The following SLC28A2 variants were observed in gnomAD, a reference collection of about 807,000 sequenced individuals.
SLC28A2 encodes sodium/nucleoside cotransporter 2.
Under a neutral mutation model 72.9 loss-of-function variants are expected in SLC28A2, and 69 were observed. The ratio of observed to expected loss-of-function variants is 0.95; its 90% CI spans 0.78 to 1.16. The LOEUF is 1.16. Ranked by LOEUF, SLC28A2 falls within the 50% of genes most tolerant of loss-of-function variation. SLC28A2 has a pLI of 0.00. For synonymous variants in SLC28A2, 296 were observed against 294.1 expected, an observed-to-expected ratio of 1.01 and a Z score of -0.07; for missense variants, 745 against 791.1, an observed-to-expected ratio of 0.94 and a Z score of 0.70.
Position 45,263,992 on chromosome 15 carries a change from C to G in SLC28A2, c.558C>G (p.Ile186Met). 6.2e-7 allele frequency: 1 copy of G among 1,613,230 alleles called. No homozygotes were observed. The part of the protein sequence containing the change: ...PFAGICMFIL[I>M]LFACSKHHSA... ...CAGGAATCTGCATGTTCATCCTTAT[C>G]CTCTTTGCCTGCTCCAAACACCACA... is the stretch of plus-strand genomic sequence containing the variant. Residue 186 changes from isoleucine to methionine, a missense_variant, in exon 6 of 18, where the codon ATC becomes ATG. Ile to Met is a conservative substitution (Grantham distance 10). Transcript: ENST00000347644.
intron 8 of SLC28A2, 71 bp from the exon 9 acceptor site, chr15:45,265,512 C>A: frequency 1.9e-6 from 2 of 1,076,328 alleles, no homozygotes; most frequent in Non-Finnish European, 2.9e-6. Flanking sequence ...ATGCTAAGAG[C>A]TTAACTTAGA....
At chr15:45,263,561 G>A (rs1900229994) in intron 5 of SLC28A2, among the ~76,000 whole-genome samples, 3 of 152,170 alleles carry the variant, frequency 2.0e-5, no homozygotes, top group South Asian at 2.1e-4. Flanking sequence ...GAGCCTTGCA[G>A]CTACATTAAG....
At chr15:45,270,355 GTAC>G in intron 15 of SLC28A2, 79 bp downstream of exon 15, 1 of 950,210 alleles carries the variant, frequency 1.1e-6, no homozygotes, top group Non-Finnish European at 1.7e-6. Flanking sequence ...TGGTGCTTCA[GTAC>G]AAGCTGGGAT....
At chr15:45,258,879 C>A (rs1427888097) in intron 3 of SLC28A2, among the ~76,000 whole-genome samples, 2 of 152,140 alleles carry the variant, frequency 1.3e-5, no homozygotes, top group Non-Finnish European at 2.9e-5. Flanking sequence ...AATTGCCATG[C>A]TATAGGGTAT....
In SLC28A2 at chr15:45,263,077, C is replaced by T; in HGVS notation, c.279C>T (p.Leu93=). ...TCTTTTTAGCCTATGCTGCCTATCTCCTGGCAGCTTGCATCTTGAATTTCC... is the reference window on the plus strand; with the variant it reads ...TCTTTTTAGCCTATGCTGCCTATCTTCTGGCAGCTTGCATCTTGAATTTCC... ...GLLCLAYAAY[L]LAACILNFQR... The change falls in exon 5 of 18, where the codon CTC becomes CTT. Residue 93 remains leucine, a synonymous_variant. Transcript: ENST00000347644. The T allele has an allele frequency of 6.2e-7, 1 of 1,613,482 alleles. No individual in the cohort carries two copies. The highest frequency in any genetic ancestry group is 8.5e-7 in the Non-Finnish European group (1 of 1,179,638).
Position 45,275,505 on chromosome 15 carries a change from T to A in SLC28A2, c.1969T>A (p.Cys657Ser). Residue 657 changes from cysteine to serine, a missense_variant, in exon 18 of 18, where the codon TGT (cysteine) becomes AGT (serine). Transcript: ENST00000347644. ...CTGTGGATTCTACAACAATACCGTC[T>A]GTGCCTAAGGCTGCTTGATCTATTT... Reference protein sequence around the residue: ...NCCGFYNNTVCA With the variant: ...NCCGFYNNTVSA The A allele has an allele frequency of 6.3e-7, 1 of 1,583,086 alleles. No homozygotes were observed. The highest frequency in any genetic ancestry group is 1.7e-4 in the Middle Eastern group (1 of 6,000).
At chr15:45,257,862 A>G (rs535390056) in intron 3 of SLC28A2, among the ~76,000 whole-genome samples, 149 of 152,374 alleles carry the variant, frequency 9.8e-4, no homozygotes, top group African/African-American at 3.5e-3. Flanking sequence ...ACTTAACACG[A>G]TATCATTGTT....
chr15:45,258,154 C>T (rs370520947), intron 3 of SLC28A2, among the ~76,000 whole-genome samples: 7 of 152,020 alleles, frequency 4.6e-5, no homozygotes, highest in African/African-American at 4.8e-5. Context: ...ACCTGGGAGG[C>T]GGAGGTTGCA....
chr15:45,256,298 G>T (rs907225945), intron 3 of SLC28A2, among the ~76,000 whole-genome samples: 1 of 152,054 alleles, frequency 6.6e-6, no homozygotes, highest in African/African-American at 2.4e-5. Flanking sequence ...GCCTCCCAAA[G>T]TGCTGAGATT....
intron 3 of SLC28A2, chr15:45,255,126 G>A (rs12899058): frequency 0.47 from 71,613 of 151,274 alleles, 20,602 homozygotes; most frequent in Non-Finnish European, 0.67. Context: ...ATGGTGGTGC[G>A]TGCCTGTAGT....
chr15:45,267,917 C>T, intron 12 of SLC28A2, 121 bp downstream of exon 12: 1 of 1,254,844 alleles, frequency 8.0e-7, no homozygotes, highest in Non-Finnish European at 1.1e-6. Flanking sequence ...TCCTTCTTGC[C>T]TATCTCTGGT....
Position 45,266,138 on chromosome 15 carries a change from G to T in SLC28A2, c.919G>T (p.Ala307Ser). The change falls in exon 10 of 18, where the codon GCA becomes TCA. Residue 307 changes from alanine (A) to serine (S), a missense_variant. By Grantham distance (99) the Ala-to-Ser change is moderately conservative. Coordinates refer to ENST00000347644, the MANE Select transcript of SLC28A2 (RefSeq NM_004212.4). The stretch of plus-strand genomic sequence containing the variant: ...CACTGCTACAGAGACCCTGGCTGTG[G>T]CAGGAAACATCTTTGTGGGTATGGT... ...GTTATETLAV[A>S]GNIFVGMTEA... 6.2e-7 allele frequency: 1 copy of T among 1,613,672 alleles called. No individual in the cohort carries two copies. The highest frequency in any genetic ancestry group is 8.5e-7 in the Non-Finnish European group (1 of 1,179,554).
chr15:45,264,518 C>T (rs1018402910), intron 6 of SLC28A2, 137 bp from the exon 7 acceptor site: 4 of 633,952 alleles, frequency 6.3e-6, no homozygotes, highest in Non-Finnish European at 1.1e-5. Context: ...TACCATTGCC[C>T]CTGCTCCCTA....
chr15:45,270,316 C>T (rs2140579983), intron 15 of SLC28A2, 40 bp downstream of exon 15: 2 of 1,371,526 alleles, frequency 1.5e-6, no homozygotes, highest in Non-Finnish European at 2.1e-6. Context: ...GTAAGACAGC[C>T]AGATCCCAGC....
chr15:45,254,104 A>T (rs1021824698), intron 3 of SLC28A2, among the ~76,000 whole-genome samples: 6 of 152,214 alleles, frequency 3.9e-5, no homozygotes, highest in African/African-American at 1.4e-4. Context: ...TTGTTTGTGG[A>T]TCTGGTCCCA....
chr15:45,261,889 T>C, intron 3 of SLC28A2, 126 bp from the exon 4 acceptor site: 1 of 724,206 alleles, frequency 1.4e-6, no homozygotes, highest in South Asian at 1.6e-5. Context: ...TCCTCCTGGC[T>C]GAAGAATATT....
rs149922452 is a variant in SLC28A2, at chr15:45,262,016, A to C, written c.172A>C (p.Arg58=). The C allele has an allele frequency of 6.8e-4, 1,089 of 1,608,132 alleles. 1 individual carries two copies. Among genetic ancestry groups the C allele is most frequent in the Non-Finnish European group, 8.5e-4 (994 of 1,174,616 alleles). The change falls in exon 4 of 18, where the codon AGG becomes CGG. Residue 58 remains arginine (R), a splice_region_variant and synonymous_variant. Transcript: ENST00000347644. ...TCTTAACTTTTGGGTTCTTATTAGGAGGAGTCGGTGGCCTTTCAGCAAAGC... is the reference window on the plus strand; with the variant it reads ...TCTTAACTTTTGGGTTCTTATTAGGCGGAGTCGGTGGCCTTTCAGCAAAGC... ...DGLGPSTYQR[R]SRWPFSKARS...
rs1281189001 is a variant in SLC28A2, at chr15:45,263,189, T to A, written c.391T>A (p.Leu131Ile). 6.2e-7 allele frequency: 1 copy of A among 1,614,048 alleles called. No homozygotes were observed. The highest frequency in any genetic ancestry group is 8.5e-7 in the Non-Finnish European group (1 of 1,179,958). The change falls in exon 5 of 18, where the codon TTA becomes ATA. Residue 131 changes from leucine to isoleucine, a missense_variant. Leu to Ile is a conservative substitution (Grantham distance 5). Transcript: ENST00000347644. ...TTTGAAAAAGCTCCTGGGCAAAAAA[T>A]TAACAAGATGTCTGAAGCCCTTTGA... Reference protein sequence around the residue: ...SFLKKLLGKKLTRCLKPFENS... With the variant: ...SFLKKLLGKKITRCLKPFENS...
In SLC28A2 at chr15:45,268,225, C is replaced by T; in HGVS notation, c.1215C>T (p.Val405=). 2 of 1,605,678 alleles carry T rather than the reference C, an allele frequency of 1.2e-6. No individual in the cohort carries two copies. Among genetic ancestry groups the T allele is most frequent in the Non-Finnish European group, 1.7e-6 (2 of 1,172,966 alleles). The change falls in exon 13 of 18, where the codon GTC becomes GTT. Residue 405 remains valine (V), a synonymous_variant. Transcript: ENST00000347644. ...VKLPRGKERN[V]LEAASNGAVD... Reference sequence around the variant, plus strand: ...ATAACCACAGGAAGGAGAGGAATGTCCTGGAAGCTGCCAGCAACGGAGCCG... The same window carrying T: ...ATAACCACAGGAAGGAGAGGAATGTTCTGGAAGCTGCCAGCAACGGAGCCG...
Sources: allele counts gnomAD v4.1 joint callset (sites outside exome capture counted in the v4.1 genomes callset), GRCh38; gene constraint gnomAD v4.1.1; transcripts MANE v1.5; gene names NCBI Gene and HGNC (gene_info 2026-07-23, HGNC 2026-07-21).